The following PREP variants were observed in gnomAD, a reference collection of about 807,000 sequenced individuals.
PREP encodes prolyl endopeptidase.
Under a neutral mutation model 87.6 loss-of-function variants are expected in PREP, and 29 were observed. That is an observed-to-expected ratio of 0.33 (90% CI 0.25 to 0.45). The LOEUF is 0.45. Ranked by LOEUF, PREP falls within the 20% of genes least tolerant of loss-of-function variation. The pLI, the probability that PREP is intolerant of heterozygous loss-of-function variation, is 1.00. For missense variants in PREP, 695 were observed against 886.5 expected, an observed-to-expected ratio of 0.78 and a Z score of 2.74; for synonymous variants, 337 against 328.6, an observed-to-expected ratio of 1.03 and a Z score of -0.28.
intron 10 of PREP, among the ~76,000 whole-genome samples, chr6:105,307,252 C>T (rs1338095661): frequency 1.3e-5 from 2 of 152,130 alleles, no homozygotes; most frequent in East Asian, 1.9e-4. Context: ...CCCTTCTTCA[C>T]TCCTCAGTAT....
chr6:105,335,195 C>A (rs563278982), intron 7 of PREP, among the ~76,000 whole-genome samples: 6 of 152,296 alleles, frequency 3.9e-5, no homozygotes, highest in African/African-American at 1.2e-4. Context: ...ATGTGTTTGA[C>A]ACAGATGATG....
chr6:105,298,089 T>A (rs886747930), intron 10 of PREP: 10 of 152,342 alleles, frequency 6.6e-5, no homozygotes, highest in African/African-American at 2.2e-4. Flanking sequence ...TTCCTTAATT[T>A]CATTTTCTTC....
At chr6:105,302,761 C>T (rs1016229562) in intron 10 of PREP, 4 of 497,326 alleles carry the variant, frequency 8.0e-6, no homozygotes, top group African/African-American at 5.9e-5. Context: ...TCAGGTCGTC[C>T]AGCTGTTTGA....
chr6:105,371,749 T>G (rs989498040), intron 5 of PREP, among the ~76,000 whole-genome samples: 2 of 152,172 alleles, frequency 1.3e-5, no homozygotes, highest in Non-Finnish European at 2.9e-5. Context: ...AAGCACATGG[T>G]AGGAATTGCT....
chr6:105,377,626 T>A (rs1772720643), intron 2 of PREP, 107 bp from the exon 3 acceptor site: 4 of 1,213,082 alleles, frequency 3.3e-6, no homozygotes, highest in Admixed American at 4.7e-5. Context: ...TCTTAGCCAG[T>A]GCCTCTTCTC....
At chr6:105,287,919 T>A (rs1770219705) in intron 11 of PREP, among the ~76,000 whole-genome samples, 1 of 152,174 alleles carries the variant, frequency 6.6e-6, no homozygotes, top group Admixed American at 6.5e-5. Flanking sequence ...AAATGTAGAA[T>A]TTTCTCCCTG....
chr6:105,352,877 G>A lies in PREP; in HGVS notation c.823+95C>T, dbSNP rs1322701067. 57 of 1,087,932 alleles carry A rather than the reference G, an allele frequency of 5.2e-5. No individual in the cohort carries two copies. In the South Asian group the frequency reaches 7.8e-4, roughly 15 times the overall value. 67.4% of individuals were successfully genotyped at this position (1,087,932 alleles called of 1,614,324 possible). A position where few individuals can be genotyped will look rare whatever the true frequency, so the allele number is the denominator to read the frequency against. On this transcript the variant is annotated intron_variant, in intron 7 of 14. Transcript: ENST00000652536. ...TGAACTGACATGATGTGGTAGAATGGAAGAGGGTCTTGGGAAATCAATTAA... is the reference window on the plus strand; with the variant it reads ...TGAACTGACATGATGTGGTAGAATGAAAGAGGGTCTTGGGAAATCAATTAA...
intron 6 of PREP, among the ~76,000 whole-genome samples, chr6:105,357,396 T>C (rs1378406597): frequency 6.6e-6 from 1 of 152,212 alleles, no homozygotes; most frequent in Admixed American, 6.5e-5. Flanking sequence ...TTTCTCAGCA[T>C]TTCCAGCTGT....
chr6:105,322,247 C>T, intron 10 of PREP: 1 of 910,178 alleles, frequency 1.1e-6, no homozygotes. Flanking sequence ...AAATAAGCAG[C>T]AGCCAAATAA....
chr6:105,293,323 C>T (rs1770339259), intron 10 of PREP, among the ~76,000 whole-genome samples: 2 of 152,068 alleles, frequency 1.3e-5, no homozygotes, highest in African/African-American at 4.8e-5. Context: ...GGGAGTGAGA[C>T]AGGAAATGGT....
chr6:105,301,489 A>G (rs1194247567), intron 10 of PREP, among the ~76,000 whole-genome samples: 1 of 152,242 alleles, frequency 6.6e-6, no homozygotes, highest in Non-Finnish European at 1.5e-5. Context: ...GGGAGGCATT[A>G]CATGTTTCTG....
intron 10 of PREP, among the ~76,000 whole-genome samples, chr6:105,316,066 AG>A (rs1399667012): frequency 1.3e-5 from 2 of 152,120 alleles, no homozygotes; most frequent in African/African-American, 4.8e-5. Flanking sequence ...ATTTCTTTCA[AG>A]AACTTTTCCT....
chr6:105,367,946 G>GT (rs35796092), intron 6 of PREP, among the ~76,000 whole-genome samples: 77 of 152,030 alleles, frequency 5.1e-4, no homozygotes, highest in African/African-American at 1.2e-3. Context: ...AGTGGCAGCA[G>GT]TTTTTTTTAC....
At chr6:105,396,780 A>G (rs1233577970) in intron 2 of PREP, among the ~76,000 whole-genome samples, 1 of 152,134 alleles carries the variant, frequency 6.6e-6, no homozygotes, top group African/African-American at 2.4e-5. Context: ...AACTGCAAAT[A>G]TGTACTAAGT....
At position 105,328,953 on chromosome 6, in the gene PREP, G is replaced by T. The variant is rs372271774; in HGVS notation, c.1089C>A (p.Leu363=). The T allele has an allele frequency of 6.8e-6, 11 of 1,614,054 alleles. No homozygotes were observed. The African/African-American group carries it at 1.5e-4, about 22-fold the overall frequency. Residue 363 remains leucine (L), a synonymous_variant, in exon 9 of 15, where the codon CTC becomes CTA. Transcript: ENST00000652536. Reference sequence around the variant, plus strand: ...GGAGAGCACCAGTAGTCAGGTCATGGAGCTGCAGAATGTTCTTGACGTCAT... The same window carrying T: ...GGAGAGCACCAGTAGTCAGGTCATGTAGCTGCAGAATGTTCTTGACGTCAT... ...YLHDVKNILQ[L]HDLTTGALLK...
At chr6:105,334,422 A>G (rs1296670443) in intron 7 of PREP, among the ~76,000 whole-genome samples, 1 of 152,108 alleles carries the variant, frequency 6.6e-6, no homozygotes, top group Non-Finnish European at 1.5e-5. Flanking sequence ...TTTTTGTTGA[A>G]AGATGAGGTC....
chr6:105,393,648 A>C (rs1773217596), intron 2 of PREP, among the ~76,000 whole-genome samples: 1 of 152,220 alleles, frequency 6.6e-6, no homozygotes, highest in Admixed American at 6.5e-5. Flanking sequence ...AGCCACATTA[A>C]GGAAAAAAAA....
chr6:105,322,341 A>G (rs1771032815), intron 10 of PREP: 27 of 926,074 alleles, frequency 2.9e-5, no homozygotes, highest in Non-Finnish European at 3.5e-5. Context: ...TCTTGAATAT[A>G]CCTTATCTCT....
intron 7 of PREP, among the ~76,000 whole-genome samples, chr6:105,336,408 C>T (rs1771479714): frequency 1.3e-5 from 2 of 152,108 alleles, no homozygotes; most frequent in African/African-American, 4.8e-5. Flanking sequence ...TTTCTTTTAG[C>T]CATTCTGTCA....
Sources: gnomAD v4.1 joint callset for allele counts (sites outside exome capture counted in the v4.1 genomes callset) on GRCh38, gnomAD v4.1.1 for gene constraint, MANE v1.5 for transcripts, NCBI Gene and HGNC (gene_info 2026-07-23, HGNC 2026-07-21) for gene names.